GRAMD1A: variants seen among roughly 807,000 people sequenced by gnomAD.
The protein encoded by GRAMD1A is protein Aster-A.
A neutral mutation model predicts 92.0 loss-of-function variants in GRAMD1A; 50 were observed. That is an observed-to-expected ratio of 0.54 (90% CI 0.43 to 0.69). GRAMD1A has a LOEUF of 0.69. Among genes scored for constraint, GRAMD1A ranks in the 30% least tolerant of loss-of-function variants. The pLI, the probability that GRAMD1A is intolerant of heterozygous loss-of-function variation, is 0.00. For synonymous variants in GRAMD1A, 405 were observed against 403.6 expected, an observed-to-expected ratio of 1.00 and a Z score of -0.04; for missense variants, 819 against 978.9, an observed-to-expected ratio of 0.84 and a Z score of 2.18.
chr19:35,007,709 T>A (rs1188745343), intron 1 of GRAMD1A, among the ~76,000 whole-genome samples: 3 of 151,356 alleles, frequency 2.0e-5, no homozygotes, highest in Admixed American at 6.6e-5. Flanking sequence ...TGTACAAAAA[T>A]TTTTTAAAAA....
chr19:35,009,329 G>GATGCTGTTGGTGCAACA lies in GRAMD1A; in HGVS notation c.219_219+1insATGCTGTTGGTGCAACA (p.Lys74MetfsTer15). 1 of 1,613,984 alleles carries GATGCTGTTGGTGCAACA rather than the reference G, an allele frequency of 6.2e-7. No individual in the cohort carries two copies. Among genetic ancestry groups the GATGCTGTTGGTGCAACA allele is most frequent in the South Asian group, 1.1e-5 (1 of 91,078 alleles). On this transcript the variant is annotated frameshift_variant and splice_region_variant. Coordinates refer to ENST00000317991, the MANE Select transcript of GRAMD1A (RefSeq NM_020895.5). LOFTEE classifies it high-confidence loss of function. ...GCCGGAACTTCATCCGCAACAGCAAGGTTGGTGCAAGCCCAGGTGGGGTGG... is the reference window on the plus strand; with the variant it reads ...GCCGGAACTTCATCCGCAACAGCAAGATGCTGTTGGTGCAACAGTTGGTGCAAGCCCAGGTGGGGTGG...
upstream of GRAMD1A, chr19:34,995,852 G>A (rs1475662997): frequency 2.2e-5 from 13 of 603,058 alleles, no homozygotes; most frequent in East Asian, 3.7e-4. Context: ...CAGAGAGCTG[G>A]GATTACAAGC....
intron 11 of GRAMD1A, among the ~76,000 whole-genome samples, 158 bp from the exon 12 acceptor site, chr19:35,019,033 G>A (rs929694046): frequency 3.3e-5 from 5 of 152,200 alleles, no homozygotes; most frequent in African/African-American, 4.8e-5. Context: ...TGCCCCAACA[G>A]CTAAGGTTTT....
intron 1 of GRAMD1A, among the ~76,000 whole-genome samples, chr19:35,004,969 G>A (rs576102380): frequency 6.6e-6 from 1 of 152,244 alleles, no homozygotes; most frequent in African/African-American, 2.4e-5. Flanking sequence ...ACACAGAAAG[G>A]ACGCGGTGGC....
chr19:35,009,506 C>G, intron 3 of GRAMD1A, 63 bp downstream of exon 3: 1 of 1,563,658 alleles, frequency 6.4e-7, no homozygotes, highest in Non-Finnish European at 8.8e-7. Flanking sequence ...GCCAGGAGCC[C>G]CAGGCTGCAA....
chr19:34,996,002 C>G (rs1326289671), upstream of GRAMD1A: 2 of 1,519,338 alleles, frequency 1.3e-6, no homozygotes, highest in Admixed American at 2.0e-5. Context: ...AGAGACCACA[C>G]CGCTGTTCCA....
rs1378750946 is a variant in GRAMD1A at position 35,026,447 on chromosome 19, G to GC, written c.*310dup. 2 of 365,826 alleles carry GC rather than the reference G, an allele frequency of 5.5e-6. No homozygotes were observed. The highest frequency in any genetic ancestry group is 5.5e-5 in the South Asian group (1 of 18,042). 22.7% of individuals were successfully genotyped at this position (365,826 alleles called of 1,614,324 possible). On this transcript the variant is annotated 3_prime_UTR_variant, in exon 20 of 20. Coordinates refer to ENST00000317991, the MANE Select transcript of GRAMD1A (RefSeq NM_020895.5). ...ATTATATTTATTTGGGGCCGACAGT[G>GC]CCCCAATAAAGGGTCAGAAGTGGCT... is the stretch of plus-strand genomic sequence containing the variant.
At chr19:34,996,041 CT>C (rs2014021771), upstream of GRAMD1A, 1 of 1,535,482 alleles carries the variant, frequency 6.5e-7, no homozygotes, top group East Asian at 2.4e-5. Context: ...TGTCCTGCCC[CT>C]GATGCCTTGG....
At chr19:35,010,487 G>A (rs2015152265) in intron 6 of GRAMD1A, 108 bp downstream of exon 6, 4 of 750,714 alleles carry the variant, frequency 5.3e-6, no homozygotes, top group Non-Finnish European at 2.3e-6. Flanking sequence ...TCTCCGAGCT[G>A]TCCCCTTCTC....
At chr19:35,019,573 G>T (rs1370126665) in intron 13 of GRAMD1A, 40 bp downstream of exon 13, 1 of 1,592,914 alleles carries the variant, frequency 6.3e-7, no homozygotes, top group Admixed American at 1.7e-5. Context: ...TGCCCTGGTG[G>T]CCCCAGGGCC....
chr19:34,995,995 G>A (rs1384953533), upstream of GRAMD1A: 10 of 1,508,176 alleles, frequency 6.6e-6, no homozygotes, highest in Non-Finnish European at 8.9e-6. Flanking sequence ...CTTTCCCAGA[G>A]ACCACACCGC....
Position 35,013,753 on chromosome 19 carries a change from G to A in GRAMD1A, c.870+62G>A. ...AGGAAGAGAGAGGAGGGCTGGGGGT[G>A]CAGTGGGAGAAGAACAGCCTGACAG... On this transcript the variant is annotated intron_variant, in intron 9 of 19. Coordinates refer to ENST00000317991, the MANE Select transcript of GRAMD1A (RefSeq NM_020895.5). This position sits in a 1 kb window ranked among gnomAD's most constrained non-coding sequence, Gnocchi z 4.9. 2 of 1,494,264 alleles carry A rather than the reference G, an allele frequency of 1.3e-6. No homozygotes were observed. The highest frequency in any genetic ancestry group is 1.8e-6 in the Non-Finnish European group (2 of 1,092,194). 92.6% of individuals were successfully genotyped at this position (1,494,264 alleles called of 1,614,324 possible). A position where few individuals can be genotyped will look rare whatever the true frequency, so the allele number is the denominator to read the frequency against.
chr19:35,017,035 C>A (rs2015689188), intron 11 of GRAMD1A, among the ~76,000 whole-genome samples: 1 of 151,396 alleles, frequency 6.6e-6, no homozygotes, highest in African/African-American at 2.4e-5. Context: ...ATTAGCTGAG[C>A]ATGATGCTGC....
At chr19:35,009,521 CAAG>C in intron 3 of GRAMD1A, 78 bp downstream of exon 3, 1 of 1,453,814 alleles carries the variant, frequency 6.9e-7, no homozygotes, top group Non-Finnish European at 9.7e-7. Flanking sequence ...CTGCAACAGT[CAAG>C]GAGTGCGTGC....
At chr19:35,000,212 T>A (rs962797629), upstream of GRAMD1A, 1 of 1,018,548 alleles carries the variant, frequency 9.8e-7, no homozygotes, top group Non-Finnish European at 1.2e-6. The surrounding 1 kb of genome is among the most constrained non-coding windows in gnomAD (Gnocchi z 4.9). Flanking sequence ...TCTAGGCCTC[T>A]GCGGCCCCTC....
chr19:34,999,945 G>A, upstream of GRAMD1A: 1 of 979,104 alleles, frequency 1.0e-6, no homozygotes, highest in Non-Finnish European at 1.2e-6. Context: ...CGGTTTCCCA[G>A]CATCTCCAGT....
At chr19:35,011,101 CAAAA>C (rs56905471) in intron 6 of GRAMD1A, among the ~76,000 whole-genome samples, 5 of 71,754 alleles carry the variant, frequency 7.0e-5, no homozygotes, top group Non-Finnish European at 1.1e-4. Flanking sequence ...GACCCTGTCT[CAAAA>C]AAAAAAAAAA....
chr19:35,005,968 AG>A (rs1355276600), intron 1 of GRAMD1A: 1 of 456,124 alleles, frequency 2.2e-6, no homozygotes, highest in Non-Finnish European at 4.4e-6. Flanking sequence ...CAGGTGGTGG[AG>A]GGAATCCCAC....
At chr19:35,022,703 GGGGTT>G (rs2016152689) in intron 16 of GRAMD1A, among the ~76,000 whole-genome samples, 192 bp from the exon 17 acceptor site, 2 of 152,170 alleles carry the variant, frequency 1.3e-5, no homozygotes, top group South Asian at 2.1e-4. Context: ...GCAGGATCCC[GGGGTT>G]GAGCAGACCC....
Sources: gnomAD v4.1 joint callset for allele counts (sites outside exome capture counted in the v4.1 genomes callset) on GRCh38, gnomAD v4.1.1 for gene constraint, Gnocchi (gnomAD v3.1) non-coding constraint, MANE v1.5 for transcripts, NCBI Gene and HGNC (gene_info 2026-07-23, HGNC 2026-07-21) for gene names.